CASK: variants seen among roughly 807,000 people sequenced by gnomAD.
CASK encodes calcium/calmodulin dependent serine protein kinase.
CASK carries 4 observed loss-of-function variants against 82.9 expected under a neutral mutation model. That is an observed-to-expected ratio of 0.05 (90% CI 0.02 to 0.11). The LOEUF (loss-of-function observed/expected upper bound fraction) is 0.11. Among genes scored for constraint, CASK ranks in the 10% least tolerant of loss-of-function variants. The probability of loss-of-function intolerance (pLI) is 1.00; values close to 1 mark genes in which losing one functional copy is unlikely to be tolerated. For missense variants in CASK, 358 were observed against 720.9 expected, an observed-to-expected ratio of 0.50 and a Z score of 5.76; for synonymous variants, 259 against 253.5, an observed-to-expected ratio of 1.02 and a Z score of -0.20.
At chrX:41,690,574 T>C (rs1369413688) in intron 5 of CASK, among the ~76,000 whole-genome samples, 2 of 107,262 alleles carry the variant, frequency 1.9e-5, no homozygotes, top group Non-Finnish European at 3.9e-5. Context: ...TTGGCCAGGC[T>C]GGTCTCGAAT....
intron 3 of CASK, among the ~76,000 whole-genome samples, chrX:41,780,077 A>G (rs1400450326): frequency 8.9e-6 from 1 of 111,764 alleles, no homozygotes; most frequent in Non-Finnish European, 1.9e-5. Flanking sequence ...CCCGTGGTAT[A>G]TGTAATCGCT....
intron 3 of CASK, among the ~76,000 whole-genome samples, chrX:41,747,737 G>C (rs1452581606): frequency 8.9e-6 from 1 of 112,437 alleles, no homozygotes; most frequent in Non-Finnish European, 1.9e-5. Flanking sequence ...CACTGCGCCC[G>C]GCCTACAATA....
intron 1 of CASK, among the ~76,000 whole-genome samples, chrX:41,904,078 T>A (rs767590057): frequency 8.9e-6 from 1 of 111,812 alleles, no homozygotes; most frequent in African/African-American, 3.3e-5. Flanking sequence ...TAAATACTAA[T>A]CTAGTGTCTA....
intron 1 of CASK, among the ~76,000 whole-genome samples, chrX:41,914,094 T>C (rs2072629700): frequency 8.9e-6 from 1 of 112,343 alleles, no homozygotes; most frequent in South Asian, 3.6e-4. Context: ...TAAGAAAACA[T>C]TAAAATCTGC....
Position 41,520,492 on chromosome X carries a change from G to A in CASK, c.2709C>T (p.Ile903=). 2 of 1,208,895 alleles carry A rather than the reference G, an allele frequency of 1.7e-6. No homozygotes were observed. Among genetic ancestry groups the A allele is most frequent in the Non-Finnish European group, 2.2e-6 (2 of 893,083 alleles). ...TIINNEIDET[I]RHLEEAVELV... is the part of the protein sequence containing the mutation. ...GCTCAACAGCTTCCTCCAGATGTCT[G>A]ATTGTCTCATCAATTTCATTGTTGA... The change falls in exon 27 of 27, where the codon ATC becomes ATT. Residue 903 remains isoleucine (I), a synonymous_variant. Transcript: ENST00000378163.
At chrX:41,578,193 G>T in intron 15 of CASK, 147 bp downstream of exon 15, 1 of 444,215 alleles carries the variant, frequency 2.3e-6, no homozygotes. Flanking sequence ...AAGGGCAGGG[G>T]GGAACTGAAG....
chrX:41,850,745 G>A (rs940222329), intron 2 of CASK, among the ~76,000 whole-genome samples: 1 of 111,927 alleles, frequency 8.9e-6, no homozygotes, highest in East Asian at 2.8e-4. Flanking sequence ...GACCAGAAGA[G>A]CAGAGGAGTT....
intron 22 of CASK, among the ~76,000 whole-genome samples, chrX:41,539,097 T>C (rs1038149061): frequency 1.2e-4 from 14 of 112,042 alleles, no homozygotes; most frequent in African/African-American, 4.2e-4. Context: ...TGATGACTTA[T>C]TAAAACTTAA....
At chrX:41,810,687 A>C (rs916322245) in intron 2 of CASK, among the ~76,000 whole-genome samples, 3 of 112,034 alleles carry the variant, frequency 2.7e-5, no homozygotes, top group African/African-American at 9.7e-5. Flanking sequence ...TAACAAGCAA[A>C]ATAACCAGCT....
intron 9 of CASK, among the ~76,000 whole-genome samples, chrX:41,632,726 AAGTC>A (rs946340275): frequency 1.8e-5 from 2 of 111,791 alleles, no homozygotes; most frequent in Non-Finnish European, 3.8e-5. Flanking sequence ...ACCAATCAGT[AAGTC>A]AGAGAATACT....
intron 16 of CASK, among the ~76,000 whole-genome samples, chrX:41,565,047 A>G (rs1381525474): frequency 8.9e-6 from 1 of 112,200 alleles, no homozygotes; most frequent in African/African-American, 3.2e-5. Flanking sequence ...GAGAACAAAG[A>G]CACAACGTAC....
At chrX:41,826,383 G>A (rs1331944949) in intron 2 of CASK, among the ~76,000 whole-genome samples, 1 of 112,138 alleles carries the variant, frequency 8.9e-6, no homozygotes, top group Non-Finnish European at 1.9e-5. Flanking sequence ...TAGGTGGAAG[G>A]GGTGAGTCAG....
At chrX:41,607,729 C>T (rs1385892369) in intron 12 of CASK, among the ~76,000 whole-genome samples, 1 of 111,817 alleles carries the variant, frequency 8.9e-6, no homozygotes, top group Non-Finnish European at 1.9e-5. Context: ...CCAAGCTTGA[C>T]CCTGCAAGAT....
intron 1 of CASK, among the ~76,000 whole-genome samples, chrX:41,916,845 G>A (rs761208505): frequency 1.8e-5 from 2 of 111,895 alleles, no homozygotes; most frequent in South Asian, 3.7e-4. Flanking sequence ...CAAGGGAAAT[G>A]GAAGAAAAAA....
intron 2 of CASK, among the ~76,000 whole-genome samples, chrX:41,830,832 A>C (rs1275521169): frequency 5.5e-5 from 6 of 109,371 alleles, no homozygotes; most frequent in Admixed American, 2.9e-4. Flanking sequence ...AAAAAAAAAA[A>C]AAAACAAAAG....
chrX:41,639,075 C>CTTT (rs11377176), intron 8 of CASK, among the ~76,000 whole-genome samples: 5 of 92,968 alleles, frequency 5.4e-5, no homozygotes, highest in South Asian at 5.3e-4. Context: ...CAACCCTCAA[C>CTTT]TTTTTTTTTT....
chrX:41,888,738 TATAC>T (rs1206796509), intron 1 of CASK, among the ~76,000 whole-genome samples: 1 of 101,948 alleles, frequency 9.8e-6, no homozygotes, highest in Non-Finnish European at 2.0e-5. Flanking sequence ...TATGTATATA[TATAC>T]ATATATATGT....
At chrX:41,595,567 C>T (rs892803418) in intron 12 of CASK, among the ~76,000 whole-genome samples, 4 of 111,518 alleles carry the variant, frequency 3.6e-5, no homozygotes, top group African/African-American at 9.8e-5. Flanking sequence ...TGCACTCCAG[C>T]CTGGGTGACA....
Position 41,623,114 on chromosome X carries a change from G to A in CASK, c.1016-480C>T, listed in dbSNP as rs56703746. Among the ~76,000 whole-genome samples the A allele has an allele frequency of 9.5e-3, 1,042 of 109,960 alleles. 17 individuals carry two copies. Among genetic ancestry groups the A allele is most frequent in the African/African-American group, 0.033 (986 of 30,242 alleles). ...TCGCCATTTTGGCCAGGCTGGTCTC[G>A]AACTCCTGACCTCAAGTGATCCACC... On this transcript the variant is annotated intron_variant, in intron 10 of 26. Coordinates refer to ENST00000378163, the MANE Select transcript of CASK (RefSeq NM_001367721.1).
Sources: allele counts gnomAD v4.1 joint callset (sites outside exome capture counted in the v4.1 genomes callset), GRCh38; gene constraint gnomAD v4.1.1; transcripts MANE v1.5; gene names NCBI Gene and HGNC (gene_info 2026-07-23, HGNC 2026-07-21).